Variants in CFAP70 observed in about 807,000 individuals in gnomAD.
CFAP70 encodes cilia and flagella associated protein 70.
CFAP70 carries 81 observed loss-of-function variants against 137.6 expected under a neutral mutation model. That is an observed-to-expected ratio of 0.59 (90% confidence interval 0.49 to 0.71). The LOEUF (loss-of-function observed/expected upper bound fraction) is 0.71, where lower values mean the gene tolerates loss of function less well. Among genes scored for constraint, CFAP70 ranks in the 30% least tolerant of loss-of-function variants. The pLI, the probability that CFAP70 is intolerant of heterozygous loss-of-function variation, is 0.00. For missense variants in CFAP70, 976 were observed against 1,226.7 expected (o/e 0.80, Z 3.05); for synonymous variants, 382 against 423.6 (o/e 0.90, Z 1.20).
chr10:73,348,953 T>A (rs1358133881), intron 3 of CFAP70, among the ~76,000 whole-genome samples: 1 of 151,342 alleles, frequency 6.6e-6, no homozygotes, highest in Admixed American at 6.6e-5. Flanking sequence ...TCCCAGCTAC[T>A]CGGGAGACCG....
intron 8 of CFAP70, among the ~76,000 whole-genome samples, chr10:73,323,542 G>T (rs183002105): frequency 1.3e-5 from 2 of 152,236 alleles, no homozygotes; most frequent in Non-Finnish European, 1.5e-5. Context: ...CTCGGGAAGC[G>T]CAAGGGGTCA....
chr10:73,295,457 T>G (rs1376739253), intron 15 of CFAP70: 4 of 152,174 alleles, frequency 2.6e-5, no homozygotes, highest in Admixed American at 1.3e-4. Flanking sequence ...GTTTTTTCCT[T>G]CGTCATCCAA....
intron 7 of CFAP70, among the ~76,000 whole-genome samples, chr10:73,332,923 G>C (rs183479115): frequency 6.6e-6 from 1 of 152,240 alleles, no homozygotes; most frequent in African/African-American, 2.4e-5. Flanking sequence ...AATAGACAAA[G>C]CTACTATAAG....
chr10:73,343,973 T>C (rs1009022392), intron 5 of CFAP70, among the ~76,000 whole-genome samples: 1 of 152,078 alleles, frequency 6.6e-6, no homozygotes, highest in Non-Finnish European at 1.5e-5. Flanking sequence ...AATTTTTTTT[T>C]TTTTTGAGAT....
At chr10:73,292,741 T>G (rs151182721) in intron 16 of CFAP70, among the ~76,000 whole-genome samples, 3 of 152,200 alleles carry the variant, frequency 2.0e-5, no homozygotes, top group African/African-American at 7.2e-5. Context: ...GTCATACATA[T>G]GTTTTATAAA....
At chr10:73,357,643 A>C (rs1589624672) in intron 1 of CFAP70, among the ~76,000 whole-genome samples, 1 of 152,230 alleles carries the variant, frequency 6.6e-6, no homozygotes, top group East Asian at 1.9e-4. Context: ...TACTACATTC[A>C]GGGCTTTCTA....
intron 25 of CFAP70, among the ~76,000 whole-genome samples, chr10:73,257,108 CTTTA>C (rs1346802234): frequency 2.0e-4 from 30 of 151,958 alleles, no homozygotes; most frequent in Non-Finnish European, 3.4e-4. Context: ...GTTTTTAGTG[CTTTA>C]TTTAAGTTCA....
intron 9 of CFAP70, among the ~76,000 whole-genome samples, chr10:73,317,742 A>G (rs1369681840): frequency 6.6e-6 from 1 of 152,108 alleles, no homozygotes; most frequent in Non-Finnish European, 1.5e-5. Context: ...TAGAAATCTC[A>G]TGTTAAAATG....
At chr10:73,300,045 G>A (rs139266514) in intron 12 of CFAP70, among the ~76,000 whole-genome samples, 79 of 152,286 alleles carry the variant, frequency 5.2e-4, no homozygotes, top group African/African-American at 1.9e-3. Context: ...ATCTCTGAAA[G>A]CAGAATGATT....
intron 1 of CFAP70, among the ~76,000 whole-genome samples, chr10:73,356,154 T>A (rs1051138218): frequency 3.9e-5 from 6 of 151,950 alleles, no homozygotes; most frequent in African/African-American, 1.4e-4. Flanking sequence ...ACAATTTCGA[T>A]AATAAATTGG....
intron 3 of CFAP70, among the ~76,000 whole-genome samples, chr10:73,353,119 C>G (rs1224629547): frequency 6.6e-6 from 1 of 152,146 alleles, no homozygotes; most frequent in East Asian, 1.9e-4. Context: ...TTAGTACAAG[C>G]CTATGATTAT....
intron 19 of CFAP70, among the ~76,000 whole-genome samples, chr10:73,286,376 G>A (rs1026015860): frequency 2.6e-5 from 4 of 151,930 alleles, no homozygotes; most frequent in South Asian, 2.1e-4. Flanking sequence ...CCCGGGAGGC[G>A]GAGCTTGCAG....
intron 6 of CFAP70, among the ~76,000 whole-genome samples, chr10:73,340,168 G>C (rs2132403076): frequency 6.6e-6 from 1 of 152,320 alleles, no homozygotes; most frequent in Admixed American, 6.5e-5. Context: ...ACAGTGGGTA[G>C]CTCCTCTCCA....
intron 6 of CFAP70, among the ~76,000 whole-genome samples, chr10:73,336,366 A>G (rs1023017811): frequency 6.6e-6 from 1 of 152,126 alleles, no homozygotes; most frequent in Admixed American, 6.5e-5. Context: ...AAATCTAAGA[A>G]AAGTATGAAT....
Position 73,275,645 on chromosome 10 carries a change from C to A in CFAP70, c.2521-47G>T. The A allele has an allele frequency of 7.0e-7, 1 of 1,434,698 alleles. No homozygotes were observed. The highest frequency in any genetic ancestry group is 9.2e-7 in the Non-Finnish European group (1 of 1,084,834). The allele number at this position is 1,434,698 out of a possible 1,614,324, so 88.9% of individuals were successfully genotyped here. A position where few individuals can be genotyped will look rare whatever the true frequency, so the allele number is the denominator to read the frequency against. On this transcript the variant is annotated intron_variant, in intron 21 of 26. Coordinates refer to ENST00000310715, the Ensembl canonical transcript of CFAP70. This position sits in a 1 kb window ranked among gnomAD's most constrained non-coding sequence, Gnocchi z 4.0. ...AAGCAACATATAAATGGCTGCATTG[C>A]GTCTTTTTCGGTTGAAGGATTCTGT...
At chr10:73,316,487 GATATATAT>G (rs551707557) in intron 9 of CFAP70, among the ~76,000 whole-genome samples, 5 of 100,946 alleles carry the variant, frequency 5.0e-5, no homozygotes, top group African/African-American at 1.3e-4. Flanking sequence ...TATAGATATA[GATATATAT>G]ATATATATAT....
At chr10:73,328,971 C>T (rs2051770625) in intron 8 of CFAP70, among the ~76,000 whole-genome samples, 1 of 149,768 alleles carries the variant, frequency 6.7e-6, no homozygotes, top group African/African-American at 2.5e-5. Flanking sequence ...ACCATTTGAC[C>T]CAGCCATCCC....
At chr10:73,258,799 A>C (rs983975496) in intron 25 of CFAP70, among the ~76,000 whole-genome samples, 2 of 152,208 alleles carry the variant, frequency 1.3e-5, no homozygotes, top group African/African-American at 2.4e-5. Flanking sequence ...AGGGATGAAA[A>C]AAGCCCCGGT....
chr10:73,317,764 C>A (rs1043479843), intron 9 of CFAP70, among the ~76,000 whole-genome samples: 1 of 152,002 alleles, frequency 6.6e-6, no homozygotes, highest in Non-Finnish European at 1.5e-5. Flanking sequence ...GAGCCCCCTC[C>A]AGTGGGTGAC....
Sources: allele counts gnomAD v4.1 joint callset (sites outside exome capture counted in the v4.1 genomes callset), GRCh38; gene constraint gnomAD v4.1.1; non-coding constraint Gnocchi (gnomAD v3.1); transcripts MANE v1.5; gene names NCBI Gene and HGNC (gene_info 2026-07-23, HGNC 2026-07-21).